Variants in SSH2 observed in about 807,000 individuals in gnomAD.
SSH2 encodes slingshot protein phosphatase 2, also known as protein phosphatase Slingshot homolog 2.
SSH2 carries 37 observed loss-of-function variants against 135.2 expected under a neutral mutation model. The observed-to-expected ratio is 0.27, with a 90% CI of 0.21 to 0.36. The LOEUF is 0.36. Among genes scored for constraint, SSH2 ranks in the 10% least tolerant of loss-of-function variants. The pLI is 1.00. For missense variants in SSH2, 1,408 were observed against 1,765.3 expected (o/e 0.80, Z 3.63); for synonymous variants, 628 against 646.2 (o/e 0.97, Z 0.43).
At chr17:29,925,507 C>A (rs945069344) in intron 1 of SSH2, 2 of 398,292 alleles carry the variant, frequency 5.0e-6, no homozygotes, top group Non-Finnish European at 8.8e-6. Context: ...CTTGACGCCA[C>A]GAGTTCAAGA....
rs1273089635 is a variant in SSH2 at position 29,695,499 on chromosome 17, G to C, written c.317C>G (p.Ala106Gly). The C allele has an allele frequency of 1.9e-6, 3 of 1,612,744 alleles. No homozygotes were observed. Among genetic ancestry groups the C allele is most frequent in the Non-Finnish European group, 2.5e-6 (3 of 1,179,436 alleles). The change falls in exon 5 of 16, where the codon GCA (alanine) becomes GGA (glycine). Residue 106 changes from alanine to glycine, a missense_variant. Ala to Gly is a moderately conservative substitution (Grantham distance 60). Coordinates refer to ENST00000540801, the MANE Select transcript of SSH2 (RefSeq NM_001282129.2). ...TTCTGGGCGGAGTAAAATGAACATT[G>C]CTTGGAGATGCTGTTGGAGATCGCC... is the stretch of plus-strand genomic sequence containing the variant. Reference protein sequence around the residue: ...HAGDLQQHLQAMFILLRPEDN... With the variant: ...HAGDLQQHLQGMFILLRPEDN...
intron 11 of SSH2, among the ~76,000 whole-genome samples, chr17:29,664,582 C>T (rs1380025036): frequency 2.0e-5 from 3 of 152,100 alleles, no homozygotes; most frequent in Non-Finnish European, 4.4e-5. Flanking sequence ...CAGCCTCAAA[C>T]TCCCAGGCTC....
chr17:29,835,701 TCTC>T (rs2042931726), intron 2 of SSH2, among the ~76,000 whole-genome samples: 1 of 152,184 alleles, frequency 6.6e-6, no homozygotes, highest in Admixed American at 6.5e-5. Flanking sequence ...TGGAGCTGTG[TCTC>T]TCTCTATAAT....
chr17:29,753,667 G>C lies in SSH2; in HGVS notation c.188+40227C>G, dbSNP rs1038305631. Among the ~76,000 whole-genome samples the C allele has an allele frequency of 2.6e-5, 4 of 151,494 alleles. No individual in the cohort carries two copies. In the South Asian group the frequency reaches 6.3e-4, roughly 24 times the overall value. On this transcript the variant is annotated intron_variant, in intron 3 of 15. Transcript: ENST00000540801. ...AAAAATTAGCTGGGCGTGGTGGCGG[G>C]CACCTGTAATCCCAGCTACTCAGGA...
intron 11 of SSH2, among the ~76,000 whole-genome samples, chr17:29,663,459 G>A (rs2037136793): frequency 6.6e-6 from 1 of 152,198 alleles, no homozygotes; most frequent in African/African-American, 2.4e-5. Flanking sequence ...AACAAAGGGA[G>A]GAAGCCACCA....
chr17:29,781,902 A>G (rs1224463069), intron 3 of SSH2, among the ~76,000 whole-genome samples: 1 of 151,318 alleles, frequency 6.6e-6, no homozygotes, highest in African/African-American at 2.4e-5. Context: ...TACAGTGGCA[A>G]AATCTCAATC....
chr17:29,732,477 T>A (rs1226255788), intron 3 of SSH2, among the ~76,000 whole-genome samples: 1 of 152,172 alleles, frequency 6.6e-6, no homozygotes, highest in Non-Finnish European at 1.5e-5. Context: ...TTAAAACAAT[T>A]TTTTGGTCTA....
chr17:29,757,727 CAAAAA>C (rs57511763), intron 3 of SSH2, among the ~76,000 whole-genome samples: 1 of 78,824 alleles, frequency 1.3e-5, no homozygotes, highest in Non-Finnish European at 2.3e-5. Flanking sequence ...GCTGTCTCTA[CAAAAA>C]AAAAAAAAAA....
intron 2 of SSH2, among the ~76,000 whole-genome samples, chr17:29,845,525 TTAAA>T (rs1270702534): frequency 6.6e-6 from 1 of 152,174 alleles, no homozygotes; most frequent in African/African-American, 2.4e-5. Flanking sequence ...CAAATCTGAC[TTAAA>T]TGAATGAAAG....
intron 1 of SSH2, among the ~76,000 whole-genome samples, chr17:29,851,789 T>A (rs377118166): frequency 2.0e-5 from 3 of 147,166 alleles, no homozygotes; most frequent in East Asian, 4.1e-4. Flanking sequence ...ATAACTTGAG[T>A]TTAGGAGTTC....
At position 29,666,911 on chromosome 17, in the gene SSH2, C is replaced by T. The variant is rs768765990; in HGVS notation, c.988G>A (p.Gly330Ser). 1.2e-6 allele frequency: 2 copies of T among 1,614,068 alleles called. No homozygotes were observed. The highest frequency in any genetic ancestry group is 1.7e-6 in the Non-Finnish European group (2 of 1,179,992). The change falls in exon 11 of 16, where the codon GGT becomes AGT. Residue 330 changes from glycine to serine, a missense_variant. Physicochemically the swap from Gly to Ser is moderately conservative, Grantham distance 56 (BLOSUM62 0). Transcript: ENST00000540801. Reference sequence around the variant, plus strand: ...ATCTGTGTAGGGCTATCCATTTGACCAAGGATCACTATCATTTCATTGTCT... The same window carrying T: ...ATCTGTGTAGGGCTATCCATTTGACTAAGGATCACTATCATTTCATTGTCT... ...FIDNEMIVIL[G>S]QMDSPTQIFE...
At chr17:29,913,175 G>A (rs552288114) in intron 1 of SSH2, among the ~76,000 whole-genome samples, 7 of 148,912 alleles carry the variant, frequency 4.7e-5, no homozygotes, top group South Asian at 4.3e-4. Flanking sequence ...AAAATTAGCC[G>A]GGTGTGGTGG....
intron 2 of SSH2, among the ~76,000 whole-genome samples, chr17:29,834,026 G>T (rs1454765516): frequency 7.1e-6 from 1 of 140,906 alleles, no homozygotes; most frequent in East Asian, 2.0e-4. Flanking sequence ...TGTTTTTTGT[G>T]TATCTATTGT....
chr17:29,806,722 C>T (rs1468187152), intron 2 of SSH2, among the ~76,000 whole-genome samples: 1 of 152,200 alleles, frequency 6.6e-6, no homozygotes, highest in African/African-American at 2.4e-5. Context: ...CTATACCATA[C>T]TAGTTGTGAA....
At chr17:29,849,538 C>A (rs1239840694) in intron 1 of SSH2, among the ~76,000 whole-genome samples, 2 of 148,378 alleles carry the variant, frequency 1.3e-5, no homozygotes, top group African/African-American at 2.5e-5. Flanking sequence ...GTACTCTGAA[C>A]TCTTCTCAGA....
chr17:29,631,468 G>A lies in SSH2; in HGVS notation c.3726C>T (p.Ser1242=), dbSNP rs1001564383. ...PLPVACRLPH[S]SSSENIKSLS... ...GACTCTTTATGTTTTCACTACTAGA[G>A]CTATGTGGGAGTCGACAGGCTACAG... Residue 1242 remains serine (S), a synonymous_variant, in exon 16 of 16, where the codon AGC becomes AGT. Coordinates refer to ENST00000540801, the MANE Select transcript of SSH2 (RefSeq NM_001282129.2). 3 of 1,614,058 alleles carry A rather than the reference G, an allele frequency of 1.9e-6. No homozygotes were observed. Among genetic ancestry groups the A allele is most frequent in the Non-Finnish European group, 2.5e-6 (3 of 1,180,042 alleles).
chr17:29,877,933 A>C (rs2066065386), intron 1 of SSH2, among the ~76,000 whole-genome samples: 1 of 152,046 alleles, frequency 6.6e-6, no homozygotes, highest in African/African-American at 2.4e-5. Context: ...AAAAATTAAA[A>C]AATTAGCCAG....
At chr17:29,703,856 G>T (rs1244056991) in intron 3 of SSH2, among the ~76,000 whole-genome samples, 1 of 152,230 alleles carries the variant, frequency 6.6e-6, no homozygotes, top group East Asian at 1.9e-4. Flanking sequence ...TAGGACTACA[G>T]ATGTGAGCCA....
At chr17:29,661,124 G>A (rs1483822964) in intron 11 of SSH2, among the ~76,000 whole-genome samples, 2 of 148,686 alleles carry the variant, frequency 1.3e-5, no homozygotes, top group South Asian at 2.1e-4. Context: ...CATTTCCCAC[G>A]TATCTCATCC....
Sources: allele counts gnomAD v4.1 joint callset (sites outside exome capture counted in the v4.1 genomes callset), GRCh38; gene constraint gnomAD v4.1.1; transcripts MANE v1.5; gene names NCBI Gene and HGNC (gene_info 2026-07-23, HGNC 2026-07-21).